The following ZNF260 variants were observed in gnomAD, a reference collection of about 807,000 sequenced individuals.
ZNF260 encodes zfp-260.
A neutral mutation model predicts 29.3 loss-of-function variants in ZNF260; 21 were observed. The ratio of observed to expected loss-of-function variants is 0.72; its 90% CI spans 0.51 to 1.03. The LOEUF (loss-of-function observed/expected upper bound fraction) is 1.03, where lower values mean the gene tolerates loss of function less well. Ranked by LOEUF, ZNF260 falls within the 50% of genes least tolerant of loss-of-function variation. ZNF260 has a pLI of 0.00. For synonymous variants in ZNF260, 156 were observed against 156.8 expected (o/e 0.99, Z 0.04); for missense variants, 465 against 487.8 (o/e 0.95, Z 0.44).
rs535928371 is a variant in ZNF260, at chr19:36,521,876, C to T, written c.-462+3279G>A. Among the ~76,000 whole-genome samples, 15 of 151,226 alleles carry T rather than the reference C, an allele frequency of 9.9e-5. No homozygotes were observed. In the South Asian group the frequency reaches 2.3e-3, roughly 23 times the overall value. Reference sequence around the variant, plus strand: ...CAGTCTGGCCAACATGGTGAAACCCCGTCTCTACTAAAAATACAAAAAATT... The same window carrying T: ...CAGTCTGGCCAACATGGTGAAACCCTGTCTCTACTAAAAATACAAAAAATT... On this transcript the variant is annotated intron_variant, in intron 2 of 2. Coordinates refer to ENST00000523638, the MANE Select transcript of ZNF260 (RefSeq NM_001166037.2).
Position 36,514,404 on chromosome 19 carries a change from T to C in ZNF260, c.835A>G (p.Asn279Asp). 6.2e-7 allele frequency: 1 copy of C among 1,613,626 alleles called. No individual in the cohort carries two copies. Among genetic ancestry groups the C allele is most frequent in the Non-Finnish European group, 8.5e-7 (1 of 1,179,628 alleles). ...IHIGEKPYKCNECGTIFRQKQ... is the reference protein window; with the variant it reads ...IHIGEKPYKCDECGTIFRQKQ... The stretch of plus-strand genomic sequence containing the variant: ...TGCCTGAAGATTGTTCCACATTCAT[T>C]ACATTTGTAGGGTTTCTCTCCAATA... The change falls in exon 3 of 3, where the codon AAT becomes GAT. Residue 279 changes from asparagine to aspartate, a missense_variant. Transcript: ENST00000523638.
chr19:36,514,958 TGG>T lies in ZNF260; in HGVS notation c.279_280del (p.Ser93ArgfsTer19). On this transcript the variant is annotated frameshift_variant, in exon 3 of 3. Transcript: ENST00000523638. LOFTEE classifies it high-confidence loss of function. ...CTGATGAGAAAGGAAGTTTTCCTTCTGGCTGAAGGCTTTTCCACATTTATTAC... is the reference window on the plus strand; with the variant it reads ...CTGATGAGAAAGGAAGTTTTCCTTCTCTGAAGGCTTTTCCACATTTATTAC... The T allele has an allele frequency of 6.2e-7, 1 of 1,614,082 alleles. No individual in the cohort carries two copies.
intron 2 of ZNF260, among the ~76,000 whole-genome samples, chr19:36,519,921 C>A (rs8111881): frequency 6.6e-6 from 1 of 151,582 alleles, no homozygotes; most frequent in Non-Finnish European, 1.5e-5. Flanking sequence ...AAAAACAGAC[C>A]GGGTGTGGTG....
At chr19:36,520,345 A>C (rs2145750002) in intron 2 of ZNF260, among the ~76,000 whole-genome samples, 1 of 152,252 alleles carries the variant, frequency 6.6e-6, no homozygotes, top group African/African-American at 2.4e-5. Context: ...AAAAGAAGTA[A>C]GAGTAAAAAA....
Position 36,514,918 on chromosome 19 carries a change from T to A in ZNF260, c.321A>T (p.Gly107=), listed in dbSNP as rs778254951. ...CTTTTTCACATTCATAAGGTTTCTC[T>A]CCAGTGTGATGTTTCTGATGAGAAA... ...NFLSHQKHHT[G]EKPYECEKVS... The change falls in exon 3 of 3, where the codon GGA becomes GGT. Residue 107 remains glycine, a synonymous_variant. Coordinates refer to ENST00000523638, the MANE Select transcript of ZNF260 (RefSeq NM_001166037.2). 10 of 1,614,056 alleles carry A rather than the reference T, an allele frequency of 6.2e-6. No individual in the cohort carries two copies. Among genetic ancestry groups the A allele is most frequent in the Non-Finnish European group, 8.5e-6 (10 of 1,180,036 alleles).
intron 2 of ZNF260, among the ~76,000 whole-genome samples, chr19:36,524,517 G>GTTGTTTTTTTTTTTT (rs2034697699): frequency 1.1e-5 from 1 of 90,972 alleles, no homozygotes; most frequent in East Asian, 2.3e-4. Context: ...TTACATGCTA[G>GTTGTTTTTTTTTTTT]TTTTTTTTTT....
In ZNF260 at chr19:36,514,015, T is replaced by C; in HGVS notation, c.1224A>G (p.Arg408=). The change falls in exon 3 of 3, where the codon AGA becomes AGG. Residue 408 remains arginine, a synonymous_variant. Transcript: ENST00000523638. The part of the protein sequence containing the change: ...SQKSHHIRHQ[R]IHTH Reference sequence around the variant, plus strand: ...ATAGAGAACTTTAATGAGTATGAATTCTCTGGTGTCTAATGTGATGTGACT... The same window carrying C: ...ATAGAGAACTTTAATGAGTATGAATCCTCTGGTGTCTAATGTGATGTGACT... The C allele has an allele frequency of 1.2e-6, 2 of 1,612,960 alleles. No individual in the cohort carries two copies. The highest frequency in any genetic ancestry group is 1.7e-5 in the Admixed American group (1 of 59,928).
rs934286718 is a variant in ZNF260, at chr19:36,513,893, G to A, written c.*107C>T. 7.9e-7 allele frequency: 1 copy of A among 1,258,110 alleles called. No individual in the cohort carries two copies. Among genetic ancestry groups the A allele is most frequent in the Non-Finnish European group, 1.1e-6 (1 of 906,986 alleles). The allele number at this position is 1,258,110 out of a possible 1,614,324, so 77.9% of individuals were successfully genotyped here. ...TTTAAGTTTTGAATTGCTGCTGAAG[G>A]ACTTCCCACATTCATGTCACTTTAA... On this transcript the variant is annotated 3_prime_UTR_variant, in exon 3 of 3. Coordinates refer to ENST00000523638, the MANE Select transcript of ZNF260 (RefSeq NM_001166037.2).
rs1439586854 is a variant in ZNF260, at chr19:36,514,987, T to C, written c.252A>G (p.Lys84=). The change falls in exon 3 of 3, where the codon AAA becomes AAG. Residue 84 remains lysine (K), a synonymous_variant. Transcript: ENST00000523638. ...TGAAGGCTTTTCCACATTTATTACA[T>C]TTATATGCCTTCTTTCCTGTGTGAC... ...LRSHTGKKAY[K]CNKCGKAFSQ... The C allele has an allele frequency of 1.2e-6, 2 of 1,614,118 alleles. No homozygotes were observed. Among genetic ancestry groups the C allele is most frequent in the Non-Finnish European group, 1.7e-6 (2 of 1,180,012 alleles).
chr19:36,521,377 ATG>A (rs2034642660), intron 2 of ZNF260, among the ~76,000 whole-genome samples: 1 of 152,236 alleles, frequency 6.6e-6, no homozygotes, highest in Non-Finnish European at 1.5e-5. Flanking sequence ...AACACTGTAA[ATG>A]ACAATGCTGA....
chr19:36,515,057 C>G lies in ZNF260; in HGVS notation c.182G>C (p.Gly61Ala). 1.2e-6 allele frequency: 2 copies of G among 1,614,122 alleles called. No homozygotes were observed. Among genetic ancestry groups the G allele is most frequent in the Non-Finnish European group, 8.5e-7 (1 of 1,180,024 alleles). The change falls in exon 3 of 3, where the codon GGT (glycine) becomes GCT (alanine). Residue 61 changes from glycine (G) to alanine (A), a missense_variant. By Grantham distance (60) the Gly-to-Ala change is moderately conservative. Coordinates refer to ENST00000523638, the MANE Select transcript of ZNF260 (RefSeq NM_001166037.2). ...GEKSHECTECGKVCSRVSSLT... is the reference protein window; with the variant it reads ...GEKSHECTECAKVCSRVSSLT... ...AGATGAGACTCGAGAGCACACTTTA[C>G]CACATTCAGTGCATTCATGAGATTT...
chr19:36,525,686 C>T (rs573008880), intron 1 of ZNF260, among the ~76,000 whole-genome samples: 18 of 151,738 alleles, frequency 1.2e-4, no homozygotes, highest in Non-Finnish European at 1.9e-4. Flanking sequence ...ACTCAGGAGG[C>T]TGAGGCAAGA....
intron 1 of ZNF260, among the ~76,000 whole-genome samples, chr19:36,526,804 GCTGA>G (rs1011560365): frequency 6.6e-5 from 10 of 152,290 alleles, no homozygotes; most frequent in African/African-American, 2.4e-4. Context: ...GACACAGAGG[GCTGA>G]CTGTTCATTC....
chr19:36,526,887 G>A (rs1183544843), intron 1 of ZNF260, among the ~76,000 whole-genome samples: 1 of 152,154 alleles, frequency 6.6e-6, no homozygotes, highest in African/African-American at 2.4e-5. Flanking sequence ...ATTTGTAATG[G>A]GATATAACAA....
At chr19:36,519,033 C>CAA (rs539133133) in intron 2 of ZNF260, among the ~76,000 whole-genome samples, 67 of 109,364 alleles carry the variant, frequency 6.1e-4, no homozygotes, top group African/African-American at 2.2e-3. Context: ...CTTGTCTTAA[C>CAA]AAAAAAAAAA....
intron 2 of ZNF260, among the ~76,000 whole-genome samples, chr19:36,524,059 T>C (rs182368033): frequency 4.3e-4 from 65 of 151,926 alleles, no homozygotes; most frequent in African/African-American, 1.5e-3. Context: ...AATATAACAA[T>C]GGAAGGAGAA....
At chr19:36,527,858 CT>C (rs2034761876) in intron 1 of ZNF260, among the ~76,000 whole-genome samples, 1 of 152,090 alleles carries the variant, frequency 6.6e-6, no homozygotes, top group African/African-American at 2.4e-5. Flanking sequence ...ATTCCTTAGC[CT>C]TTTCCGTTTC....
At chr19:36,526,989 C>G (rs1009089994) in intron 1 of ZNF260, among the ~76,000 whole-genome samples, 4 of 152,166 alleles carry the variant, frequency 2.6e-5, no homozygotes, top group Admixed American at 6.5e-5. Context: ...GAAACAGGTA[C>G]AGAGGGGAAA....
intron 2 of ZNF260, among the ~76,000 whole-genome samples, chr19:36,521,195 ATTTAT>A (rs2034640085): frequency 1.3e-5 from 2 of 152,188 alleles, no homozygotes; most frequent in African/African-American, 4.8e-5. Context: ...TAATGGTATT[ATTTAT>A]TTTGTTTTCC....
Sources: gnomAD v4.1 joint callset for allele counts (sites outside exome capture counted in the v4.1 genomes callset) on GRCh38, gnomAD v4.1.1 for gene constraint, MANE v1.5 for transcripts, NCBI Gene and HGNC (gene_info 2026-07-23, HGNC 2026-07-21) for gene names.